The following CADPS2 variants were observed in gnomAD, a reference collection of about 807,000 sequenced individuals.
CADPS2 encodes the protein calcium dependent secretion activator 2.
CADPS2 carries 93 observed loss-of-function variants against 172.5 expected under a neutral mutation model. The observed-to-expected ratio is 0.54, with a 90% CI of 0.46 to 0.64. The LOEUF (loss-of-function observed/expected upper bound fraction) is 0.64, where lower values mean the gene tolerates loss of function less well. Ranked by LOEUF, CADPS2 falls within the 30% of genes least tolerant of loss-of-function variation. The pLI is 0.00. For synonymous variants in CADPS2, 546 were observed against 555.2 expected, an observed-to-expected ratio of 0.98 and a Z score of 0.23; for missense variants, 1,420 against 1,565.9, an observed-to-expected ratio of 0.91 and a Z score of 1.57.
At chr7:122,794,992 C>T (rs1796060541) in intron 1 of CADPS2, among the ~76,000 whole-genome samples, 1 of 151,998 alleles carries the variant, frequency 6.6e-6, no homozygotes, top group South Asian at 2.1e-4. Context: ...AAATTTGTAG[C>T]GCTAAATGCC....
chr7:122,607,516 T>C (rs2073738409), intron 6 of CADPS2, among the ~76,000 whole-genome samples: 1 of 152,182 alleles, frequency 6.6e-6, no homozygotes, highest in Non-Finnish European at 1.5e-5. Flanking sequence ...GGACGTGATT[T>C]CAAGCTGTAA....
At chr7:122,830,945 T>C (rs1051833535) in intron 1 of CADPS2, among the ~76,000 whole-genome samples, 3 of 152,074 alleles carry the variant, frequency 2.0e-5, no homozygotes, top group African/African-American at 4.8e-5. Context: ...TAAAAACAAA[T>C]AGAAAAACTA....
chr7:122,612,052 A>G (rs1484630247), intron 6 of CADPS2, among the ~76,000 whole-genome samples: 1 of 152,076 alleles, frequency 6.6e-6, no homozygotes, highest in African/African-American at 2.4e-5. Flanking sequence ...AATAGAAATG[A>G]ACTTCCTTAA....
At chr7:122,604,689 C>A (rs540123945) in intron 6 of CADPS2, among the ~76,000 whole-genome samples, 53 of 152,200 alleles carry the variant, frequency 3.5e-4, no homozygotes, top group African/African-American at 1.0e-3. Flanking sequence ...AAAAATTTAC[C>A]TTCTTCACTC....
intron 2 of CADPS2, among the ~76,000 whole-genome samples, chr7:122,682,338 G>A (rs2083145481): frequency 6.6e-6 from 1 of 152,136 alleles, no homozygotes; most frequent in Non-Finnish European, 1.5e-5. Context: ...AGTCAAAGAA[G>A]ATACCAGCTT....
At chr7:122,823,467 T>G (rs1234903664) in intron 1 of CADPS2, among the ~76,000 whole-genome samples, 1 of 152,082 alleles carries the variant, frequency 6.6e-6, no homozygotes, top group African/African-American at 2.4e-5. Context: ...TATAAGAGTA[T>G]TGGCTATGAA....
At chr7:122,367,574 T>C (rs1431369294) in intron 25 of CADPS2, among the ~76,000 whole-genome samples, 1 of 135,772 alleles carries the variant, frequency 7.4e-6, no homozygotes, top group Non-Finnish European at 1.5e-5. Flanking sequence ...TAAGACAGTC[T>C]TACTTTGTCA....
At chr7:122,875,860 G>C (rs904310607) in intron 1 of CADPS2, among the ~76,000 whole-genome samples, 1 of 152,122 alleles carries the variant, frequency 6.6e-6, no homozygotes, top group Non-Finnish European at 1.5e-5. Flanking sequence ...AATCCTAAAA[G>C]AGAAGCTAGA....
At chr7:122,498,729 T>A (rs2058958786) in intron 9 of CADPS2, among the ~76,000 whole-genome samples, 1 of 152,192 alleles carries the variant, frequency 6.6e-6, no homozygotes, top group African/African-American at 2.4e-5. Flanking sequence ...CTGGTTCACT[T>A]TGCATACTGT....
rs1161323323 is a variant in CADPS2 at position 122,886,165 on chromosome 7, C to A, written c.173G>T (p.Ser58Ile). ...CTCGCTGAGCACAGAGGGGCTCGGG[C>A]TCACAGATCTGGCCGCGCCGCCGCC... ...AGGGGAARSV[S>I]PSPSVLSEGR... is the part of the protein sequence containing the mutation. Residue 58 changes from serine to isoleucine, a missense_variant, in exon 1 of 30, where the codon AGC (serine) becomes ATC (isoleucine). By Grantham distance (142) the Ser-to-Ile change is moderately radical. Coordinates refer to ENST00000449022, the MANE Select transcript of CADPS2 (RefSeq NM_017954.11). 1 of 1,521,234 alleles carries A rather than the reference C, an allele frequency of 6.6e-7. No homozygotes were observed. The highest frequency in any genetic ancestry group is 8.8e-7 in the Non-Finnish European group (1 of 1,136,800). 94.2% of individuals were successfully genotyped at this position (1,521,234 alleles called of 1,614,324 possible).
intron 23 of CADPS2, 70 bp downstream of exon 23, chr7:122,388,513 A>G: frequency 7.2e-7 from 1 of 1,391,126 alleles, no homozygotes; most frequent in Non-Finnish European, 9.7e-7. Flanking sequence ...ATAATATATT[A>G]GGTACTTGAT....
intron 25 of CADPS2, among the ~76,000 whole-genome samples, chr7:122,377,645 A>T (rs1283872608): frequency 6.6e-6 from 1 of 152,026 alleles, no homozygotes; most frequent in African/African-American, 2.4e-5. Context: ...GTGGTGATGC[A>T]AGCTGCTGTG....
At chr7:122,638,558 C>A (rs1431901003) in intron 3 of CADPS2, among the ~76,000 whole-genome samples, 3 of 152,190 alleles carry the variant, frequency 2.0e-5, no homozygotes, top group Non-Finnish European at 2.9e-5. Context: ...GGCACCTCAA[C>A]CAGGCTGTTC....
chr7:122,883,761 A>G (rs1232269872), intron 1 of CADPS2, among the ~76,000 whole-genome samples: 2 of 152,246 alleles, frequency 1.3e-5, no homozygotes, highest in Admixed American at 1.3e-4. Flanking sequence ...AATAAAAAAT[A>G]AAAGTAATTC....
intron 3 of CADPS2, among the ~76,000 whole-genome samples, chr7:122,631,092 T>C (rs34182275): frequency 0.036 from 5,432 of 152,198 alleles, 189 homozygotes; most frequent in Non-Finnish European, 0.049. Context: ...AATCTCTCAT[T>C]CCAAGCTCCT....
At chr7:122,601,414 T>C (rs2072758816) in intron 6 of CADPS2, among the ~76,000 whole-genome samples, 1 of 152,042 alleles carries the variant, frequency 6.6e-6, no homozygotes, top group Non-Finnish European at 1.5e-5. Context: ...CATCTTGCAT[T>C]TTATGTAATA....
chr7:122,827,118 C>T (rs889759067), intron 1 of CADPS2, among the ~76,000 whole-genome samples: 1 of 151,960 alleles, frequency 6.6e-6, no homozygotes, highest in African/African-American at 2.4e-5. Flanking sequence ...ATCTTATAGC[C>T]AGTAAAATAT....
chr7:122,623,966 T>C (rs1320298962), intron 4 of CADPS2, among the ~76,000 whole-genome samples: 1 of 152,190 alleles, frequency 6.6e-6, no homozygotes, highest in African/African-American at 2.4e-5. Context: ...TCATGAACTA[T>C]CTATCATCTG....
At chr7:122,723,799 C>T (rs1420490620) in intron 2 of CADPS2, among the ~76,000 whole-genome samples, 9 of 152,104 alleles carry the variant, frequency 5.9e-5, no homozygotes, top group Admixed American at 5.9e-4. Context: ...CAATGATAGA[C>T]TGGATTAAGA....
Sources: allele counts gnomAD v4.1 joint callset (sites outside exome capture counted in the v4.1 genomes callset), GRCh38; gene constraint gnomAD v4.1.1; transcripts MANE v1.5; gene names NCBI Gene and HGNC (gene_info 2026-07-23, HGNC 2026-07-21).